The following ADGRB3 variants were observed in gnomAD, a reference collection of about 807,000 sequenced individuals.
The protein encoded by ADGRB3 is brain-specific angiogenesis inhibitor 3.
In ADGRB3, 37 loss-of-function variants were observed where a neutral mutation model predicts 193.4. The ratio of observed to expected loss-of-function variants is 0.19; its 90% CI spans 0.15 to 0.25. The LOEUF is 0.25. ADGRB3 is among the 10% of genes least tolerant of loss of function. The pLI is 1.00. For synonymous variants in ADGRB3, 690 were observed against 644.2 expected, an observed-to-expected ratio of 1.07 and a Z score of -1.08; for missense variants, 1,637 against 1,852.9, an observed-to-expected ratio of 0.88 and a Z score of 2.14.
At position 69,212,525 on chromosome 6, in the gene ADGRB3, G is replaced by GA. The variant is rs3839473; in HGVS notation, c.2481-20755dup. 2.6e-3 allele frequency among the ~76,000 whole-genome samples: 392 copies of GA among 150,280 alleles called. 11 individuals are homozygous for GA. In the East Asian group the frequency reaches 0.069, roughly 27 times the overall value. On this transcript the variant is annotated intron_variant, in intron 17 of 31. Transcript: ENST00000370598. ...TTTCCATAAAAGTGTTATTTTAAAA[G>GA]AAAAAAAAAATAAAGGATCCCCAGT...
At chr6:69,087,492 C>T (rs577183861) in intron 17 of ADGRB3, among the ~76,000 whole-genome samples, 9 of 152,066 alleles carry the variant, frequency 5.9e-5, no homozygotes, top group Non-Finnish European at 1.2e-4. Flanking sequence ...ATATAAAAGA[C>T]CCCAAAGAGC....
At chr6:69,227,647 T>A (rs1267658759) in intron 17 of ADGRB3, among the ~76,000 whole-genome samples, 1 of 152,182 alleles carries the variant, frequency 6.6e-6, no homozygotes, top group Non-Finnish European at 1.5e-5. Context: ...TCTAAGAAAC[T>A]AACTACATTT....
chr6:69,211,861 G>A (rs1047344343), intron 17 of ADGRB3, among the ~76,000 whole-genome samples: 1 of 152,076 alleles, frequency 6.6e-6, no homozygotes, highest in Non-Finnish European at 1.5e-5. Flanking sequence ...ACAACTGTGT[G>A]CATTACAATC....
intron 17 of ADGRB3, among the ~76,000 whole-genome samples, chr6:69,216,644 C>T (rs59287159): frequency 1.5e-3 from 228 of 152,166 alleles, no homozygotes; most frequent in African/African-American, 5.1e-3. Context: ...GAAAATGAAG[C>T]CCCATGGGTT....
At chr6:69,117,111 C>A (rs1773556233) in intron 17 of ADGRB3, among the ~76,000 whole-genome samples, 1 of 152,154 alleles carries the variant, frequency 6.6e-6, no homozygotes, top group Admixed American at 6.5e-5. Context: ...ATCTGTACTG[C>A]CACAATCCAT....
intron 20 of ADGRB3, among the ~76,000 whole-genome samples, chr6:69,293,604 A>G (rs754229825): frequency 6.6e-6 from 1 of 152,114 alleles, no homozygotes; most frequent in Non-Finnish European, 1.5e-5. Context: ...TTCGTTCTCT[A>G]AAGAGTCTTG....
chr6:68,767,435 A>G (rs1766530731), intron 3 of ADGRB3, among the ~76,000 whole-genome samples: 1 of 152,228 alleles, frequency 6.6e-6, no homozygotes, highest in African/African-American at 2.4e-5. Flanking sequence ...ACCAATGACA[A>G]AAACTACATG....
chr6:68,812,171 A>T (rs1056104311), intron 3 of ADGRB3, among the ~76,000 whole-genome samples: 1 of 152,200 alleles, frequency 6.6e-6, no homozygotes, highest in Non-Finnish European at 1.5e-5. Context: ...ATTACTGCAG[A>T]GGCCTAATAT....
chr6:68,843,679 A>G (rs1011966636), intron 3 of ADGRB3, among the ~76,000 whole-genome samples: 2 of 152,042 alleles, frequency 1.3e-5, no homozygotes, highest in African/African-American at 2.4e-5. Flanking sequence ...AAATCCTAAA[A>G]TGTGTATGGA....
At chr6:68,986,778 G>A (rs1195429984) in intron 10 of ADGRB3, among the ~76,000 whole-genome samples, 1 of 152,180 alleles carries the variant, frequency 6.6e-6, no homozygotes. Flanking sequence ...GGCTGTAGGA[G>A]TTGATGCTGA....
At chr6:68,717,085 C>T (rs935876822) in intron 3 of ADGRB3, among the ~76,000 whole-genome samples, 1 of 151,598 alleles carries the variant, frequency 6.6e-6, no homozygotes, top group African/African-American at 2.4e-5. Flanking sequence ...TGAAATGGCC[C>T]TCTCTTTCAA....
chr6:69,359,646 G>C (rs1769410251), intron 28 of ADGRB3, among the ~76,000 whole-genome samples: 1 of 151,794 alleles, frequency 6.6e-6, no homozygotes, highest in African/African-American at 2.4e-5. Flanking sequence ...TAATAATTAT[G>C]ATTCTACTTG....
intron 20 of ADGRB3, among the ~76,000 whole-genome samples, chr6:69,303,056 A>T (rs1401978366): frequency 2.0e-5 from 3 of 152,000 alleles, no homozygotes; most frequent in African/African-American, 7.2e-5. Flanking sequence ...AGGACGTAGA[A>T]GCAGTGCCAG....
intron 29 of ADGRB3, among the ~76,000 whole-genome samples, chr6:69,364,140 A>G (rs1008484630): frequency 6.6e-6 from 1 of 152,024 alleles, no homozygotes; most frequent in South Asian, 2.1e-4. Context: ...TCCTCAGGAT[A>G]CTTTCAAGGA....
At chr6:69,265,750 C>T (rs1767026385) in intron 20 of ADGRB3, among the ~76,000 whole-genome samples, 1 of 151,940 alleles carries the variant, frequency 6.6e-6, no homozygotes, top group Non-Finnish European at 1.5e-5. Flanking sequence ...CTATTTCCCC[C>T]AAATGCTGTC....
At chr6:68,977,471 T>C (rs1272676205) in intron 10 of ADGRB3, among the ~76,000 whole-genome samples, 1 of 152,154 alleles carries the variant, frequency 6.6e-6, no homozygotes, top group Non-Finnish European at 1.5e-5. Flanking sequence ...CAGAAAATTT[T>C]CACTTTCCAA....
chr6:68,902,475 G>T (rs900167447), intron 3 of ADGRB3, among the ~76,000 whole-genome samples: 2 of 151,958 alleles, frequency 1.3e-5, no homozygotes, highest in Non-Finnish European at 2.9e-5. Context: ...ATTGACTGCT[G>T]TCCTCTATTA....
intron 10 of ADGRB3, among the ~76,000 whole-genome samples, chr6:68,990,990 ACCCTTCATGCATATC>A (rs1368050036): frequency 6.6e-6 from 1 of 151,962 alleles, no homozygotes; most frequent in East Asian, 1.9e-4. Flanking sequence ...AACTTTCCTC[ACCCTTCATGCATATC>A]CTGAGACACC....
intron 3 of ADGRB3, among the ~76,000 whole-genome samples, chr6:68,656,389 TTCAGTTTGC>T (rs1199827319): frequency 6.6e-6 from 1 of 151,498 alleles, no homozygotes; most frequent in Admixed American, 6.6e-5. Flanking sequence ...TAGAGAGAAC[TTCAGTTTGC>T]TCAGTTATAA....
Sources: allele counts gnomAD v4.1 joint callset (sites outside exome capture counted in the v4.1 genomes callset), GRCh38; gene constraint gnomAD v4.1.1; transcripts MANE v1.5; gene names NCBI Gene and HGNC (gene_info 2026-07-23, HGNC 2026-07-21).